ZNF790: variants seen among roughly 807,000 people sequenced by gnomAD.
ZNF790 encodes zinc finger protein 790.
ZNF790 carries 8 observed loss-of-function variants against 12.1 expected under a neutral mutation model. The observed-to-expected ratio is 0.66, with a 90% CI of 0.39 to 1.19. ZNF790 has a LOEUF of 1.19. ZNF790 is among the 50% of genes most tolerant of loss of function. The probability of loss-of-function intolerance (pLI) is 0.01; values close to 1 mark genes in which losing one functional copy is unlikely to be tolerated. For synonymous variants in ZNF790, 252 were observed against 244.3 expected (o/e 1.03, Z -0.29); for missense variants, 707 against 752.2 (o/e 0.94, Z 0.70).
At position 36,819,988 on chromosome 19, in the gene ZNF790, C is replaced by T. The variant is rs780713394; in HGVS notation, c.356G>A (p.Gly119Asp). Reference sequence around the variant, plus strand: ...AAACTGAGTGTTGCCTTCCCAGTCACCTCTAAAACATAAACAGTCAAGGCT... The same window carrying T: ...AAACTGAGTGTTGCCTTCCCAGTCATCTCTAAAACATAAACAGTCAAGGCT... ...NHSLDCLCFR[G>D]DWEGNTQFQT... Residue 119 changes from glycine to aspartate, a missense_variant, in exon 5 of 5, where the codon GGT (glycine) becomes GAT (aspartate). By Grantham distance (94) the Gly-to-Asp change is moderately conservative. Transcript: ENST00000356725. 9.3e-6 allele frequency: 15 copies of T among 1,613,896 alleles called. No individual in the cohort carries two copies. The highest frequency in any genetic ancestry group is 1.3e-5 in the Non-Finnish European group (15 of 1,180,018).
At chr19:36,823,879 G>T (rs2071732581) in intron 2 of ZNF790, 89 bp from the exon 3 acceptor site, 1 of 1,241,044 alleles carries the variant, frequency 8.1e-7, no homozygotes, top group African/African-American at 1.5e-5. Flanking sequence ...GGCTGGAAAG[G>T]GGCACTGCAG....
chr19:36,845,567 G>C (rs1167201864), intron 1 of ZNF790, among the ~76,000 whole-genome samples: 1 of 152,166 alleles, frequency 6.6e-6, no homozygotes, highest in African/African-American at 2.4e-5. Context: ...TGAGGATGGA[G>C]GTAAATGGAG....
intron 1 of ZNF790, among the ~76,000 whole-genome samples, chr19:36,836,569 C>T (rs544997787): frequency 1.3e-5 from 2 of 152,152 alleles, no homozygotes; most frequent in African/African-American, 2.4e-5. Flanking sequence ...CCATCCTGGC[C>T]GACACGGTGA....
At chr19:36,820,754 G>C (rs2071649280) in intron 4 of ZNF790, among the ~76,000 whole-genome samples, 1 of 152,072 alleles carries the variant, frequency 6.6e-6, no homozygotes, top group Non-Finnish European at 1.5e-5. Context: ...AAATTAGCCA[G>C]GAGTGGTGGT....
In ZNF790 at chr19:36,817,950, G is replaced by A. The variant is rs2071581898; in HGVS notation, c.*483C>T. ...GAATTCTCATGCCTCGGCCTCCCGA[G>A]TAGCTGGGACTACAGGCGTGTGCTA... On this transcript the variant is annotated 3_prime_UTR_variant, in exon 5 of 5. Transcript: ENST00000356725. 1 of 152,496 alleles carries A rather than the reference G, an allele frequency of 6.6e-6. No homozygotes were observed. Among genetic ancestry groups the A allele is most frequent in the Non-Finnish European group, 1.5e-5 (1 of 68,318 alleles). The allele number at this position is 152,496 out of a possible 1,614,324, so 9.4% of individuals were successfully genotyped here. A position where few individuals can be genotyped will look rare whatever the true frequency, so the allele number is the denominator to read the frequency against.
At chr19:36,835,661 A>G (rs1468414453) in intron 1 of ZNF790, among the ~76,000 whole-genome samples, 2 of 152,104 alleles carry the variant, frequency 1.3e-5, no homozygotes, top group Admixed American at 6.6e-5. Context: ...TAGAAGTCTG[A>G]GTTGGGTCTT....
chr19:36,825,503 G>T, intron 2 of ZNF790, 108 bp downstream of exon 2: 1 of 1,154,328 alleles, frequency 8.7e-7, no homozygotes, highest in African/African-American at 1.5e-5. Flanking sequence ...CATTACTTAT[G>T]ACACTCAATA....
intron 1 of ZNF790, among the ~76,000 whole-genome samples, chr19:36,836,890 C>T (rs1327574312): frequency 6.6e-6 from 1 of 152,184 alleles, no homozygotes; most frequent in Non-Finnish European, 1.5e-5. Flanking sequence ...GGATAAATTG[C>T]TTGTTGAAAC....
chr19:36,844,333 CAAAA>C (rs34420002), intron 1 of ZNF790, among the ~76,000 whole-genome samples: 1 of 128,384 alleles, frequency 7.8e-6, no homozygotes, highest in Non-Finnish European at 1.7e-5. Context: ...AAACAAAAAA[CAAAA>C]AAAAAAAAAC....
chr19:36,827,284 G>A (rs549621275), intron 1 of ZNF790, among the ~76,000 whole-genome samples: 69 of 151,504 alleles, frequency 4.6e-4, no homozygotes, highest in African/African-American at 1.4e-3. Flanking sequence ...CCACCAGACC[G>A]GGAAGCAACA....
chr19:36,842,457 A>C (rs182671024), upstream of ZNF790, among the ~76,000 whole-genome samples: 4 of 152,324 alleles, frequency 2.6e-5, no homozygotes, highest in African/African-American at 9.6e-5. Context: ...AATTTAAAAA[A>C]TTAGTATTAT....
At chr19:36,828,395 G>A (rs904788673) in intron 1 of ZNF790, among the ~76,000 whole-genome samples, 3 of 151,978 alleles carry the variant, frequency 2.0e-5, no homozygotes, top group South Asian at 4.2e-4. Flanking sequence ...CCTGGGAGGC[G>A]GAGGTTGCGG....
chr19:36,834,110 G>A (rs1207249196), intron 1 of ZNF790, among the ~76,000 whole-genome samples: 1 of 151,952 alleles, frequency 6.6e-6, no homozygotes, highest in Non-Finnish European at 1.5e-5. Flanking sequence ...AGACATGGTG[G>A]CGCATGCCTG....
intron 1 of ZNF790, among the ~76,000 whole-genome samples, chr19:36,844,914 G>A (rs1039266909): frequency 2.0e-5 from 3 of 149,430 alleles, no homozygotes; most frequent in Non-Finnish European, 4.5e-5. Flanking sequence ...CGGGCGTAGT[G>A]GCGGGCGCCT....
At chr19:36,831,883 T>TGA (rs1473503540) in intron 1 of ZNF790, among the ~76,000 whole-genome samples, 1 of 152,088 alleles carries the variant, frequency 6.6e-6, no homozygotes, top group Non-Finnish European at 1.5e-5. Flanking sequence ...TAGCAAAACA[T>TGA]GACCTAATAA....
At chr19:36,837,173 A>G (rs577295577) in intron 1 of ZNF790, among the ~76,000 whole-genome samples, 3 of 152,322 alleles carry the variant, frequency 2.0e-5, no homozygotes, top group East Asian at 3.9e-4. Context: ...TATACCATCA[A>G]GTCTCATTTG....
intron 1 of ZNF790, among the ~76,000 whole-genome samples, chr19:36,829,653 C>T (rs2071906481): frequency 6.6e-6 from 1 of 152,200 alleles, no homozygotes. Flanking sequence ...CCACAACCTC[C>T]ACCTCTGGGG....
chr19:36,840,050 C>T (rs368802483), upstream of ZNF790, among the ~76,000 whole-genome samples: 5 of 151,914 alleles, frequency 3.3e-5, no homozygotes, highest in East Asian at 1.9e-4. Context: ...GCGACAAGAG[C>T]GAAACTCCAT....
At chr19:36,837,325 A>C (rs2072066241) in intron 1 of ZNF790, among the ~76,000 whole-genome samples, 1 of 152,204 alleles carries the variant, frequency 6.6e-6, no homozygotes, top group South Asian at 2.1e-4. Flanking sequence ...TCTAACAGAA[A>C]CTAGGCTGTA....
Sources: allele counts gnomAD v4.1 joint callset (sites outside exome capture counted in the v4.1 genomes callset), GRCh38; gene constraint gnomAD v4.1.1; transcripts MANE v1.5; gene names NCBI Gene and HGNC (gene_info 2026-07-23, HGNC 2026-07-21).